The following NALF1 variants were observed in gnomAD, a reference collection of about 807,000 sequenced individuals.
NALF1 encodes NALCN channel auxiliary factor 1, also known as family with sequence similarity 155 member A.
A neutral mutation model predicts 48.4 loss-of-function variants in NALF1; 3 were observed. That is an observed-to-expected ratio of 0.06 (90% CI 0.03 to 0.16). The LOEUF (loss-of-function observed/expected upper bound fraction) is 0.16. Among genes scored for constraint, NALF1 ranks in the 10% least tolerant of loss-of-function variants. The pLI is 1.00. For synonymous variants in NALF1, 262 were observed against 245.7 expected (o/e 1.07, Z -0.62); for missense variants, 526 against 571.5 (o/e 0.92, Z 0.81).
intron 1 of NALF1, among the ~76,000 whole-genome samples, chr13:107,343,887 A>C (rs1469049483): frequency 5.3e-5 from 8 of 152,140 alleles, no homozygotes; most frequent in Non-Finnish European, 8.8e-5. Context: ...AGAACAGAAA[A>C]ACAAGAAGAA....
chr13:107,411,462 C>A lies in NALF1; in HGVS notation c.916-200707G>T, dbSNP rs572546310. Among the ~76,000 whole-genome samples, 5 of 152,174 alleles carry A rather than the reference C, an allele frequency of 3.3e-5. No homozygotes were observed. In the East Asian group the frequency reaches 9.7e-4, roughly 29 times the overall value. On this transcript the variant is annotated intron_variant, in intron 1 of 2. Transcript: ENST00000375915. ...AAAGTATTGGGATTACAGGCATGAG[C>A]TTCCCAGCTGAAATGTGCAGTCTTA...
At chr13:107,457,384 G>C (rs963673155) in intron 1 of NALF1, among the ~76,000 whole-genome samples, 1 of 152,096 alleles carries the variant, frequency 6.6e-6, no homozygotes, top group Non-Finnish European at 1.5e-5. Context: ...TGGCCTCATA[G>C]GTAATATTGG....
chr13:107,549,845 A>T (rs184057429), intron 1 of NALF1, among the ~76,000 whole-genome samples: 15 of 147,204 alleles, frequency 1.0e-4, no homozygotes, highest in African/African-American at 2.7e-4. Flanking sequence ...GCAACTTTTC[A>T]TTTTTTTTTT....
intron 1 of NALF1, among the ~76,000 whole-genome samples, chr13:107,212,267 G>A (rs1298654633): frequency 6.6e-6 from 1 of 152,146 alleles, no homozygotes; most frequent in African/African-American, 2.4e-5. Context: ...ACTTTTAAAT[G>A]GCCAAAAGTA....
chr13:107,385,551 T>G (rs1883513514), intron 1 of NALF1, among the ~76,000 whole-genome samples: 1 of 44,286 alleles, frequency 2.3e-5, no homozygotes, highest in African/African-American at 1.0e-4. Context: ...AGATTCCATC[T>G]CAAAAAAAAA....
At chr13:107,238,762 G>A (rs1239229899) in intron 1 of NALF1, among the ~76,000 whole-genome samples, 1 of 152,158 alleles carries the variant, frequency 6.6e-6, no homozygotes, top group Non-Finnish European at 1.5e-5. Context: ...TGCAGGGCAG[G>A]CAGCAGGTTC....
At chr13:107,300,489 T>C (rs1437309086) in intron 1 of NALF1, among the ~76,000 whole-genome samples, 2 of 152,202 alleles carry the variant, frequency 1.3e-5, no homozygotes, top group Non-Finnish European at 2.9e-5. Context: ...ATATTAATAT[T>C]TGCATTATTT....
intron 1 of NALF1, among the ~76,000 whole-genome samples, chr13:107,249,836 T>G (rs1473487736): frequency 1.3e-5 from 2 of 152,164 alleles, no homozygotes; most frequent in Non-Finnish European, 2.9e-5. Context: ...GTTTTGATTT[T>G]TATGTTGACT....
At chr13:107,552,392 C>T (rs1267922023) in intron 1 of NALF1, among the ~76,000 whole-genome samples, 4 of 152,064 alleles carry the variant, frequency 2.6e-5, no homozygotes, top group Non-Finnish European at 5.9e-5. Context: ...ATTAATGCAT[C>T]GGGCAAATTG....
intron 1 of NALF1, among the ~76,000 whole-genome samples, chr13:107,805,916 A>T (rs2138601532): frequency 6.6e-6 from 1 of 152,300 alleles, no homozygotes; most frequent in South Asian, 2.1e-4. Context: ...GATGCACCAA[A>T]TTAAAAGGTC....
At chr13:107,603,412 T>G (rs1354027545) in intron 1 of NALF1, among the ~76,000 whole-genome samples, 1 of 152,198 alleles carries the variant, frequency 6.6e-6, no homozygotes, top group Non-Finnish European at 1.5e-5. Flanking sequence ...TGAGAGGTTC[T>G]TTTTATAAAT....
chr13:107,651,407 T>G (rs1375889290), intron 1 of NALF1, among the ~76,000 whole-genome samples: 1 of 152,238 alleles, frequency 6.6e-6, no homozygotes, highest in Non-Finnish European at 1.5e-5. Flanking sequence ...TGAATAAATA[T>G]CTGAGATTTT....
At chr13:107,790,931 G>GAA (rs34892115) in intron 1 of NALF1, among the ~76,000 whole-genome samples, 2 of 151,828 alleles carry the variant, frequency 1.3e-5, no homozygotes, top group Non-Finnish European at 2.9e-5. Context: ...GCACCATTAG[G>GAA]AAAAATCATA....
chr13:107,802,002 A>T (rs1878629835), intron 1 of NALF1, among the ~76,000 whole-genome samples: 1 of 151,616 alleles, frequency 6.6e-6, no homozygotes, highest in Admixed American at 6.6e-5. Context: ...AGAATTTGGA[A>T]ATTTTTTAAA....
At chr13:107,696,189 A>G (rs537805210) in intron 1 of NALF1, among the ~76,000 whole-genome samples, 322 of 152,300 alleles carry the variant, frequency 2.1e-3, no homozygotes, top group African/African-American at 7.4e-3. Context: ...GAGCCACTGC[A>G]CCTGGCCTAT....
chr13:107,277,532 C>T (rs1881305369), intron 1 of NALF1, among the ~76,000 whole-genome samples: 1 of 152,122 alleles, frequency 6.6e-6, no homozygotes, highest in Non-Finnish European at 1.5e-5. Context: ...TTATCAGTAT[C>T]TAAATTTGGA....
intron 1 of NALF1, among the ~76,000 whole-genome samples, chr13:107,664,146 A>T (rs939090240): frequency 1.3e-5 from 2 of 152,088 alleles, no homozygotes; most frequent in Non-Finnish European, 2.9e-5. Flanking sequence ...CCCATTCCCA[A>T]AGTCGTCTTC....
intron 1 of NALF1, among the ~76,000 whole-genome samples, chr13:107,218,020 C>T (rs1282004222): frequency 3.3e-5 from 5 of 152,182 alleles, no homozygotes; most frequent in Admixed American, 6.5e-5. Flanking sequence ...CACAGCTCTG[C>T]GACCTTGCCC....
chr13:107,529,426 C>T (rs369499480), intron 1 of NALF1, among the ~76,000 whole-genome samples: 74 of 152,256 alleles, frequency 4.9e-4, no homozygotes, highest in South Asian at 2.7e-3. Flanking sequence ...AATTTGAAAA[C>T]GGAGATTTAA....
Sources: gnomAD v4.1 joint callset for allele counts (sites outside exome capture counted in the v4.1 genomes callset) on GRCh38, gnomAD v4.1.1 for gene constraint, MANE v1.5 for transcripts, NCBI Gene and HGNC (gene_info 2026-07-23, HGNC 2026-07-21) for gene names.